Variants in ZC3H15 observed in about 807,000 individuals in gnomAD.
The protein encoded by ZC3H15 is zinc finger CCCH domain-containing protein 15.
In ZC3H15, 15 loss-of-function variants were observed where a neutral mutation model predicts 51.2. That is an observed-to-expected ratio of 0.29 (90% confidence interval 0.20 to 0.45). The LOEUF is 0.45. Ranked by LOEUF, ZC3H15 falls within the 20% of genes least tolerant of loss-of-function variation. The probability of loss-of-function intolerance (pLI) is 1.00; values close to 1 mark genes in which losing one functional copy is unlikely to be tolerated. For missense variants in ZC3H15, 381 were observed against 494.7 expected (o/e 0.77, Z 2.18); for synonymous variants, 144 against 162.8 (o/e 0.88, Z 0.88).
chr2:186,494,299 A>T (rs957256562), intron 1 of ZC3H15, among the ~76,000 whole-genome samples: 1 of 152,198 alleles, frequency 6.6e-6, no homozygotes, highest in Non-Finnish European at 1.5e-5. Flanking sequence ...CTAGGAATGT[A>T]TACATTTCAG....
chr2:186,491,446 A>G (rs577625166), intron 1 of ZC3H15, among the ~76,000 whole-genome samples: 1 of 152,296 alleles, frequency 6.6e-6, no homozygotes, highest in African/African-American at 2.4e-5. Context: ...AACTTGCCCA[A>G]GTTTACTAAC....
chr2:186,503,361 A>C (rs1685417861), intron 5 of ZC3H15, among the ~76,000 whole-genome samples: 1 of 152,116 alleles, frequency 6.6e-6, no homozygotes, highest in South Asian at 2.1e-4. Context: ...GATCAAACCA[A>C]AGAAAATCAT....
Position 186,505,829 on chromosome 2 carries a change from A to C in ZC3H15, c.954A>C (p.Thr318=). Residue 318 remains threonine, a synonymous_variant, in exon 8 of 10, where the codon ACA becomes ACC. Coordinates refer to ENST00000337859, the MANE Select transcript of ZC3H15 (RefSeq NM_018471.3). ...ATGATACCCGCTACACCCAGGGAAC[A>C]GGTGGTGATGAGGTAAGAGGAAGCT... ...EADDTRYTQG[T]GGDEVDDSVS... is the part of the protein sequence containing the mutation. The C allele has an allele frequency of 6.2e-7, 1 of 1,613,916 alleles. No homozygotes were observed. Among genetic ancestry groups the C allele is most frequent in the Non-Finnish European group, 8.5e-7 (1 of 1,179,946 alleles).
At chr2:186,486,830 T>G (rs1685104414) in intron 1 of ZC3H15, 2 of 218,752 alleles carry the variant, frequency 9.1e-6, no homozygotes, top group African/African-American at 4.5e-5. Flanking sequence ...GGCCAGCGTC[T>G]TTCTGGAAGA....
rs763972938 is a variant in ZC3H15 at position 186,505,697 on chromosome 2, T to C, written c.865-43T>C. On this transcript the variant is annotated intron_variant, in intron 7 of 9. Transcript: ENST00000337859. Reference sequence around the variant, plus strand: ...CTATTTCATCAGTGACAAGGAATGTTTAGATTTTTGTCCTGAGTTGATATA... The same window carrying C: ...CTATTTCATCAGTGACAAGGAATGTCTAGATTTTTGTCCTGAGTTGATATA... 22 of 1,607,376 alleles carry C rather than the reference T, an allele frequency of 1.4e-5. 1 individual carries two copies. The highest frequency in any genetic ancestry group is 2.2e-5 in the South Asian group (2 of 90,834).
chr2:186,486,860 T>C (rs1685104863), intron 1 of ZC3H15: 2 of 185,718 alleles, frequency 1.1e-5, no homozygotes, highest in Non-Finnish European at 2.2e-5. Flanking sequence ...GACGAGTCTT[T>C]GTGTTCGTTA....
Position 186,486,306 on chromosome 2 carries a change from C to T in ZC3H15, c.-77C>T. ...GGCGAGTGAGGCCCCGGTCTTCCTC[C>T]TCGTCCTGCCGCAGGGCCAGAACCC... On this transcript the variant is annotated 5_prime_UTR_variant, in exon 1 of 10. Transcript: ENST00000337859. The T allele has an allele frequency of 2.2e-6, 3 of 1,377,598 alleles. No homozygotes were observed. The highest frequency in any genetic ancestry group is 3.0e-5 in the Admixed American group (1 of 33,114). The allele number at this position is 1,377,598 out of a possible 1,614,324, so 85.3% of individuals were successfully genotyped here.
Position 186,505,833 on chromosome 2 carries a change from G to A in ZC3H15, c.958G>A (p.Gly320Ser), listed in dbSNP as rs769699448. 3 of 1,613,806 alleles carry A rather than the reference G, an allele frequency of 1.9e-6. No homozygotes were observed. Among genetic ancestry groups the A allele is most frequent in the Non-Finnish European group, 2.5e-6 (3 of 1,179,920 alleles). The change falls in exon 8 of 10, where the codon GGT becomes AGT. Residue 320 changes from glycine to serine, a missense_variant. By Grantham distance (56) the Gly-to-Ser change is moderately conservative. This residue lies in a region of ZC3H15 where 215 missense variants were observed against 241.8 expected (regional missense o/e 0.89). Transcript: ENST00000337859. ...TACCCGCTACACCCAGGGAACAGGT[G>A]GTGATGAGGTAAGAGGAAGCTTTGT... ...DDTRYTQGTG[G>S]DEVDDSVSVN...
Position 186,505,589 on chromosome 2 carries a change from G to C in ZC3H15, c.856G>C (p.Ala286Pro). 1.9e-6 allele frequency: 3 copies of C among 1,605,208 alleles called. No homozygotes were observed. Among genetic ancestry groups the C allele is most frequent in the Non-Finnish European group, 2.5e-6 (3 of 1,176,810 alleles). ...RRKADFKAGK[A>P]LVISGREVFE... is the part of the protein sequence containing the mutation. ...GAAAGCTGACTTCAAAGCAGGGAAA[G>C]CACTAGTGGTATGTCTCAGGCTCAC... Residue 286 changes from alanine to proline, a missense_variant, in exon 7 of 10, where the codon GCA becomes CCA. By Grantham distance (27) the Ala-to-Pro change is conservative. This residue lies in a region of ZC3H15 where 215 missense variants were observed against 241.8 expected (regional missense o/e 0.89). Coordinates refer to ENST00000337859, the MANE Select transcript of ZC3H15 (RefSeq NM_018471.3).
intron 8 of ZC3H15, among the ~76,000 whole-genome samples, chr2:186,506,317 T>TA (rs752495575): frequency 6.6e-5 from 10 of 152,228 alleles, no homozygotes; most frequent in East Asian, 1.9e-4. Flanking sequence ...TTTGTGTACT[T>TA]ACAAAATTCT....
At chr2:186,506,922 G>A (rs899555231) in intron 9 of ZC3H15, 86 bp downstream of exon 9, 85 of 1,386,472 alleles carry the variant, frequency 6.1e-5, no homozygotes, top group Middle Eastern at 3.8e-4. Context: ...TTAGATGTGT[G>A]CAGGTACCAG....
At position 186,506,789 on chromosome 2, in the gene ZC3H15, C is replaced by A; in HGVS notation, c.1043C>A (p.Thr348Asn). Residue 348 changes from threonine (T) to asparagine (N), a missense_variant, in exon 9 of 10, where the codon ACT (threonine) becomes AAT (asparagine). Transcript: ENST00000337859. ...IPRDVDETGI[T>N]VASLERFSTY... ...AGAGATGTAGATGAAACAGGTATTA[C>A]TGTAGCCAGTCTTGAAAGATTCAGC... The A allele has an allele frequency of 6.2e-7, 1 of 1,613,748 alleles. No homozygotes were observed. The highest frequency in any genetic ancestry group is 1.7e-5 in the Admixed American group (1 of 60,006).
chr2:186,502,702 G>C (rs1333205404), intron 5 of ZC3H15, 115 bp downstream of exon 5: 1 of 840,156 alleles, frequency 1.2e-6, no homozygotes, highest in Non-Finnish European at 1.8e-6. Context: ...TGGAAAATTT[G>C]ATTTCATCAA....
rs184530273 is a variant in ZC3H15, at chr2:186,497,009, G to A, written c.177+1675G>A. On this transcript the variant is annotated intron_variant, in intron 2 of 9. Transcript: ENST00000337859. ...TTCTTAGGCATTTATTCTTTCATAC[G>A]AATTTTAAAATGAGTTTATCCATTG... 2.3e-4 allele frequency: 73 copies of A among 318,990 alleles called. 1 individual carries two copies. The Admixed American group carries it at 2.4e-3, about 10-fold the overall frequency. 19.8% of individuals were successfully genotyped at this position (318,990 alleles called of 1,614,324 possible).
intron 1 of ZC3H15, among the ~76,000 whole-genome samples, chr2:186,490,221 A>C (rs1004153269): frequency 6.6e-6 from 1 of 152,216 alleles, no homozygotes. Context: ...TTAACACATT[A>C]GTCTGAAATG....
rs759616605 is a variant in ZC3H15, at chr2:186,505,547, C to G, written c.814C>G (p.Gln272Glu). The part of the protein sequence containing the change: ...KRQEKIDKLE[Q>E]DMERRKADFK... Reference sequence around the variant, plus strand: ...ACAAGAAAAGATTGATAAACTTGAACAAGATATGGAAAGAAGGAAAGCTGA... The same window carrying G: ...ACAAGAAAAGATTGATAAACTTGAAGAAGATATGGAAAGAAGGAAAGCTGA... The change falls in exon 7 of 10, where the codon CAA becomes GAA. Residue 272 changes from glutamine to glutamate, a missense_variant. By Grantham distance (29) the Gln-to-Glu change is conservative. This residue lies in a region of ZC3H15 where 215 missense variants were observed against 241.8 expected (regional missense o/e 0.89). Transcript: ENST00000337859. 3.1e-6 allele frequency: 5 copies of G among 1,609,072 alleles called. No individual in the cohort carries two copies. The Admixed American group carries it at 5.1e-5, about 16-fold the overall frequency.
intron 3 of ZC3H15, among the ~76,000 whole-genome samples, 176 bp from the exon 4 acceptor site, chr2:186,501,097 T>TA (rs1200359504): frequency 6.6e-6 from 1 of 152,218 alleles, no homozygotes; most frequent in Non-Finnish European, 1.5e-5. Flanking sequence ...AAAGTAGACA[T>TA]AAATGCTACA....
chr2:186,498,851 G>A (rs1685330444), intron 2 of ZC3H15, among the ~76,000 whole-genome samples: 1 of 152,034 alleles, frequency 6.6e-6, no homozygotes, highest in African/African-American at 2.4e-5. Context: ...ATTGTTACCT[G>A]TAAGCTGCTA....
chr2:186,507,163 A>G (rs749750440), intron 9 of ZC3H15, among the ~76,000 whole-genome samples: 18 of 152,198 alleles, frequency 1.2e-4, no homozygotes, highest in Non-Finnish European at 2.2e-4. Context: ...TGAACACCCT[A>G]CAGAACATCA....
Sources: allele counts gnomAD v4.1 joint callset (sites outside exome capture counted in the v4.1 genomes callset), GRCh38; gene constraint gnomAD v4.1.1; regional missense constraint gnomAD v4.1.1; transcripts MANE v1.5; gene names NCBI Gene and HGNC (gene_info 2026-07-23, HGNC 2026-07-21).